Variants in TOX observed in about 807,000 individuals in gnomAD.
TOX encodes thymocyte selection associated high mobility group box.
Under a neutral mutation model 53.7 loss-of-function variants are expected in TOX, and 11 were observed. That is an observed-to-expected ratio of 0.20 (90% confidence interval 0.13 to 0.34). The LOEUF (loss-of-function observed/expected upper bound fraction) is 0.34. Ranked by LOEUF, TOX falls within the 10% of genes least tolerant of loss-of-function variation. The probability of loss-of-function intolerance (pLI) is 1.00; values close to 1 mark genes in which losing one functional copy is unlikely to be tolerated. For synonymous variants in TOX, 225 were observed against 245.3 expected, an observed-to-expected ratio of 0.92 and a Z score of 0.77; for missense variants, 570 against 664.6, an observed-to-expected ratio of 0.86 and a Z score of 1.56.
chr8:58,997,754 T>C (rs1006468330), intron 1 of TOX, among the ~76,000 whole-genome samples: 6 of 152,230 alleles, frequency 3.9e-5, no homozygotes, highest in Non-Finnish European at 8.8e-5. Context: ...ATATTATTTA[T>C]AGTAGGATTA....
chr8:59,119,039 T>G lies in TOX; in HGVS notation c.-52A>C. ...TTCTTTTTCCTTTTTTAAAAAAAAG[T>G]GTTCAGCAAAACAAGCTTAGACGGA... On this transcript the variant is annotated 5_prime_UTR_variant, in exon 1 of 9. Coordinates refer to ENST00000361421, the MANE Select transcript of TOX (RefSeq NM_014729.3). 7.4e-7 allele frequency: 1 copy of G among 1,351,998 alleles called. No homozygotes were observed. The highest frequency in any genetic ancestry group is 1.0e-6 in the Non-Finnish European group (1 of 959,318). The allele number at this position is 1,351,998 out of a possible 1,614,324, so 83.8% of individuals were successfully genotyped here.
chr8:58,885,478 C>T (rs1811450653), intron 3 of TOX, among the ~76,000 whole-genome samples: 1 of 152,056 alleles, frequency 6.6e-6, no homozygotes, highest in African/African-American at 2.4e-5. Flanking sequence ...GTCACATTGG[C>T]TTCTTCTCAC....
intron 4 of TOX, among the ~76,000 whole-genome samples, chr8:58,842,837 C>G (rs1419443169): frequency 6.6e-6 from 1 of 152,192 alleles, no homozygotes; most frequent in Admixed American, 6.5e-5. Context: ...TTCCACGCAG[C>G]CAATCCATTT....
chr8:58,830,693 T>A (rs1309144102), intron 5 of TOX, among the ~76,000 whole-genome samples: 1 of 152,124 alleles, frequency 6.6e-6, no homozygotes, highest in Non-Finnish European at 1.5e-5. Context: ...CCTTAGTTAA[T>A]CTCTAGTCAT....
Position 58,807,741 on chromosome 8 carries a change from A to G in TOX, c.*6T>C. The G allele has an allele frequency of 6.2e-7, 1 of 1,614,118 alleles. No individual in the cohort carries two copies. Among genetic ancestry groups the G allele is most frequent in the Non-Finnish European group, 8.5e-7 (1 of 1,179,964 alleles). On this transcript the variant is annotated 3_prime_UTR_variant, in exon 9 of 9. Transcript: ENST00000361421. ...TCCTCAGTGGAAAGAAGAGGTGTTC[A>G]GATTCTCAAGTAAGGTACAGTGCTT...
rs116473401 is a variant in TOX, at chr8:58,982,571, G to T, written c.103-22563C>A. On this transcript the variant is annotated intron_variant, in intron 1 of 8. Coordinates refer to ENST00000361421, the MANE Select transcript of TOX (RefSeq NM_014729.3). ...GAAGCTTCTAATTTAAGTATCTTATGAATCCTTCTCTATTCTTTGCATCCC... is the reference window on the plus strand; with the variant it reads ...GAAGCTTCTAATTTAAGTATCTTATTAATCCTTCTCTATTCTTTGCATCCC... Among the ~76,000 whole-genome samples, 1,165 of 152,214 alleles carry T rather than the reference G, an allele frequency of 7.7e-3. 5 individuals are homozygous for T. Among genetic ancestry groups the T allele is most frequent in the African/African-American group, 0.022 (895 of 41,516 alleles).
chr8:58,827,601 G>C (rs1003919967), intron 5 of TOX, among the ~76,000 whole-genome samples: 1 of 152,174 alleles, frequency 6.6e-6, no homozygotes, highest in African/African-American at 2.4e-5. Flanking sequence ...ACCTCATTTT[G>C]AAAAGGTAAA....
At chr8:58,862,603 A>G (rs1031191139) in intron 3 of TOX, among the ~76,000 whole-genome samples, 1 of 152,282 alleles carries the variant, frequency 6.6e-6, no homozygotes, top group Admixed American at 6.5e-5. Context: ...CTAATAAAGA[A>G]AGAGAATAGG....
intron 3 of TOX, among the ~76,000 whole-genome samples, chr8:58,873,442 C>A (rs1425069566): frequency 1.7e-4 from 26 of 152,204 alleles, no homozygotes; most frequent in Admixed American, 1.6e-3. Flanking sequence ...GTCCGTACTA[C>A]AAAGACTACA....
chr8:58,979,529 A>G (rs924533856), intron 1 of TOX, among the ~76,000 whole-genome samples: 1 of 152,244 alleles, frequency 6.6e-6, no homozygotes, highest in African/African-American at 2.4e-5. Flanking sequence ...TGTTCTGTAT[A>G]AAATTATTCG....
chr8:59,079,825 A>G (rs543405312), intron 1 of TOX, among the ~76,000 whole-genome samples: 19 of 152,240 alleles, frequency 1.2e-4, no homozygotes, highest in Non-Finnish European at 1.5e-5. Context: ...TCACACTCTG[A>G]GCCTGGAAAA....
intron 3 of TOX, among the ~76,000 whole-genome samples, chr8:58,937,264 A>T (rs1248488034): frequency 6.6e-6 from 1 of 152,210 alleles, no homozygotes; most frequent in Non-Finnish European, 1.5e-5. Flanking sequence ...CAAATAGTAG[A>T]TTTGTTTCCC....
At chr8:59,046,979 C>T (rs1803696435) in intron 1 of TOX, among the ~76,000 whole-genome samples, 1 of 151,682 alleles carries the variant, frequency 6.6e-6, no homozygotes, top group African/African-American at 2.4e-5. Flanking sequence ...TTAAAAACTG[C>T]ATATGCAAAG....
At chr8:59,044,482 T>A (rs1803650680) in intron 1 of TOX, among the ~76,000 whole-genome samples, 1 of 152,162 alleles carries the variant, frequency 6.6e-6, no homozygotes, top group South Asian at 2.1e-4. Flanking sequence ...GCTACGATGA[T>A]GCCTCCAAAA....
chr8:59,079,576 G>T (rs1460861830), intron 1 of TOX, among the ~76,000 whole-genome samples: 1 of 152,204 alleles, frequency 6.6e-6, no homozygotes. Context: ...TTAAGCCTGT[G>T]GGTGCACAGA....
chr8:58,815,306 G>A, intron 7 of TOX, 32 bp downstream of exon 7: 1 of 1,556,336 alleles, frequency 6.4e-7, no homozygotes. Flanking sequence ...GAATAGGGGT[G>A]CACACTCTAA....
rs546417181 is a variant in TOX, at chr8:58,978,208, T to C, written c.103-18200A>G. ...GCCCAAGGGGATCTGCCTGGGATCTTAGATAGTCCCAGGAAATTCACAAAG... is the reference window on the plus strand; with the variant it reads ...GCCCAAGGGGATCTGCCTGGGATCTCAGATAGTCCCAGGAAATTCACAAAG... On this transcript the variant is annotated intron_variant, in intron 1 of 8. Transcript: ENST00000361421. 2.0e-5 allele frequency among the ~76,000 whole-genome samples: 3 copies of C among 151,818 alleles called. No homozygotes were observed. The South Asian group carries it at 6.2e-4, about 32-fold the overall frequency.
intron 1 of TOX, among the ~76,000 whole-genome samples, chr8:59,069,989 A>G (rs1012185408): frequency 6.6e-6 from 1 of 152,234 alleles, no homozygotes; most frequent in Non-Finnish European, 1.5e-5. Flanking sequence ...GAAAGCGATG[A>G]AGACAGAAGA....
intron 3 of TOX, among the ~76,000 whole-genome samples, chr8:58,852,896 T>C (rs541903496): frequency 1.7e-4 from 26 of 152,248 alleles, no homozygotes; most frequent in Non-Finnish European, 2.2e-4. Flanking sequence ...AAGTATCAGA[T>C]GTTTAGCAAT....
Sources: allele counts gnomAD v4.1 joint callset (sites outside exome capture counted in the v4.1 genomes callset), GRCh38; gene constraint gnomAD v4.1.1; transcripts MANE v1.5; gene names NCBI Gene and HGNC (gene_info 2026-07-23, HGNC 2026-07-21).